OSBPL8: variants seen among roughly 807,000 people sequenced by gnomAD.
OSBPL8 encodes oxysterol-binding protein-related protein 8.
OSBPL8 carries 59 observed loss-of-function variants against 125.5 expected under a neutral mutation model. The ratio of observed to expected loss-of-function variants is 0.47; its 90% confidence interval spans 0.38 to 0.58. The LOEUF (loss-of-function observed/expected upper bound fraction) is 0.58. Among genes scored for constraint, OSBPL8 ranks in the 20% least tolerant of loss-of-function variants. The pLI is 0.00. For synonymous variants in OSBPL8, 330 were observed against 338.9 expected, an observed-to-expected ratio of 0.97 and a Z score of 0.29; for missense variants, 758 against 1,047.8, an observed-to-expected ratio of 0.72 and a Z score of 3.82.
At chr12:76,521,806 G>A (rs1882085973) in intron 1 of OSBPL8, among the ~76,000 whole-genome samples, 1 of 152,182 alleles carries the variant, frequency 6.6e-6, no homozygotes, top group African/African-American at 2.4e-5. Flanking sequence ...GGAGAGAATG[G>A]AGAGTTATTG....
At chr12:76,498,777 T>TGGTGCC (rs1406767691) in intron 1 of OSBPL8, among the ~76,000 whole-genome samples, 1 of 139,358 alleles carries the variant, frequency 7.2e-6, no homozygotes, top group Non-Finnish European at 1.5e-5. Context: ...TGGAGTGCAG[T>TGGTGCC]GGTGCCATCA....
intron 1 of OSBPL8, among the ~76,000 whole-genome samples, chr12:76,541,439 C>CT (rs1484589430): frequency 6.6e-6 from 1 of 151,954 alleles, no homozygotes; most frequent in African/African-American, 2.4e-5. Flanking sequence ...CATTGTGCCA[C>CT]TGCACTCCAG....
At chr12:76,452,450 C>T (rs751179759) in intron 3 of OSBPL8, among the ~76,000 whole-genome samples, 11 of 152,116 alleles carry the variant, frequency 7.2e-5, no homozygotes, top group Non-Finnish European at 1.6e-4. Flanking sequence ...TAATTATTTA[C>T]AGGCATCTCA....
chr12:76,431,798 T>C (rs1202268639), intron 4 of OSBPL8, among the ~76,000 whole-genome samples: 2 of 152,072 alleles, frequency 1.3e-5, no homozygotes, highest in African/African-American at 2.4e-5. Context: ...AATATGATAA[T>C]AGCAATTCAA....
intron 5 of OSBPL8, among the ~76,000 whole-genome samples, chr12:76,407,536 T>C (rs549089959): frequency 1.3e-5 from 2 of 152,202 alleles, no homozygotes; most frequent in African/African-American, 2.4e-5. Context: ...GCATGAAACA[T>C]TGCACCCAGC....
At chr12:76,475,789 C>A (rs933231133) in intron 2 of OSBPL8, among the ~76,000 whole-genome samples, 2 of 152,166 alleles carry the variant, frequency 1.3e-5, no homozygotes, top group African/African-American at 4.8e-5. Context: ...TGGAAGCCAG[C>A]CATCTTTCTA....
At chr12:76,379,998 T>C (rs1952976645) in intron 15 of OSBPL8, among the ~76,000 whole-genome samples, 1 of 152,220 alleles carries the variant, frequency 6.6e-6, no homozygotes, top group African/African-American at 2.4e-5. Context: ...ATCCCATTAA[T>C]TTATACATCT....
intron 4 of OSBPL8, among the ~76,000 whole-genome samples, chr12:76,424,027 G>A (rs1869836114): frequency 6.6e-6 from 1 of 151,840 alleles, no homozygotes; most frequent in African/African-American, 2.4e-5. Flanking sequence ...TTTTGAGATG[G>A]AGTCTCACTG....
chr12:76,541,696 A>G (rs2137427204), intron 1 of OSBPL8, among the ~76,000 whole-genome samples: 1 of 151,848 alleles, frequency 6.6e-6, no homozygotes, highest in East Asian at 1.9e-4. Flanking sequence ...CTCTACTAAA[A>G]ATACAAAAAT....
At chr12:76,473,605 T>C (rs1876441933) in intron 2 of OSBPL8, among the ~76,000 whole-genome samples, 1 of 152,170 alleles carries the variant, frequency 6.6e-6, no homozygotes, top group Non-Finnish European at 1.5e-5. Flanking sequence ...CCCAGATAAC[T>C]CTAACATTCA....
intron 5 of OSBPL8, 114 bp downstream of exon 5, chr12:76,410,450 A>C: frequency 2.7e-6 from 2 of 728,982 alleles, no homozygotes; most frequent in East Asian, 5.0e-5. Flanking sequence ...TACATGGTTC[A>C]GATGTATCAA....
At chr12:76,372,534 A>G (rs532518799) in intron 18 of OSBPL8, among the ~76,000 whole-genome samples, 1 of 152,050 alleles carries the variant, frequency 6.6e-6, no homozygotes, top group Admixed American at 6.6e-5. Flanking sequence ...TTTTTCCAGA[A>G]GACTCTCAGA....
At chr12:76,520,036 C>T (rs372635481) in intron 1 of OSBPL8, among the ~76,000 whole-genome samples, 2 of 152,176 alleles carry the variant, frequency 1.3e-5, no homozygotes, top group East Asian at 3.9e-4. Context: ...CTCTCACCTA[C>T]CTCCCACAAA....
intron 2 of OSBPL8, among the ~76,000 whole-genome samples, chr12:76,483,031 G>A (rs1385635152): frequency 6.6e-6 from 1 of 152,180 alleles, no homozygotes. Flanking sequence ...GGAGGCCGAG[G>A]CAGGCGGATC....
intron 1 of OSBPL8, among the ~76,000 whole-genome samples, chr12:76,543,890 A>T (rs1344360854): frequency 6.6e-6 from 1 of 152,226 alleles, no homozygotes; most frequent in Admixed American, 6.5e-5. Context: ...ATAAATATTC[A>T]TATAAACCAG....
At chr12:76,448,804 A>G (rs1873026246) in intron 4 of OSBPL8, among the ~76,000 whole-genome samples, 1 of 152,136 alleles carries the variant, frequency 6.6e-6, no homozygotes, top group South Asian at 2.1e-4. Flanking sequence ...CACAAGGTCA[A>G]GAGATCAAGA....
At chr12:76,438,708 T>C (rs1327662702) in intron 4 of OSBPL8, among the ~76,000 whole-genome samples, 2 of 152,228 alleles carry the variant, frequency 1.3e-5, no homozygotes, top group East Asian at 1.9e-4. Flanking sequence ...AATTTTCAAA[T>C]ATGTTTTCTT....
At chr12:76,410,907 G>A (rs138630087) in intron 4 of OSBPL8, among the ~76,000 whole-genome samples, 3 of 152,222 alleles carry the variant, frequency 2.0e-5, no homozygotes, top group Non-Finnish European at 2.9e-5. Context: ...CGCTTATAGA[G>A]CTTTTATTCT....
At chr12:76,374,500 T>C (rs1952738432) in intron 17 of OSBPL8, among the ~76,000 whole-genome samples, 1 of 152,136 alleles carries the variant, frequency 6.6e-6, no homozygotes, top group Non-Finnish European at 1.5e-5. Flanking sequence ...AGTTTCTGTC[T>C]TGCTCACTGG....
Sources: gnomAD v4.1 joint callset for allele counts (sites outside exome capture counted in the v4.1 genomes callset) on GRCh38, gnomAD v4.1.1 for gene constraint, MANE v1.5 for transcripts, NCBI Gene and HGNC (gene_info 2026-07-23, HGNC 2026-07-21) for gene names.